The following PPFIBP2 variants were observed in gnomAD, a reference collection of about 807,000 sequenced individuals.
PPFIBP2 encodes PPFIB scaffold protein 2, also known as liprin-beta-2.
A neutral mutation model predicts 118.3 loss-of-function variants in PPFIBP2; 118 were observed. The ratio of observed to expected loss-of-function variants is 1.00; its 90% CI spans 0.86 to 1.16. The LOEUF (loss-of-function observed/expected upper bound fraction) is 1.16. Among genes scored for constraint, PPFIBP2 ranks in the 50% most tolerant of loss-of-function variants. The pLI, the probability that PPFIBP2 is intolerant of heterozygous loss-of-function variation, is 0.00. For synonymous variants in PPFIBP2, 414 were observed against 397.4 expected (o/e 1.04, Z -0.50); for missense variants, 1,195 against 1,073.1 (o/e 1.11, Z -1.59).
chr11:7,594,398 T>C (rs890804670), intron 4 of PPFIBP2, among the ~76,000 whole-genome samples: 5 of 152,362 alleles, frequency 3.3e-5, no homozygotes, highest in South Asian at 4.1e-4. Flanking sequence ...ATTGGGTATC[T>C]ACAACTTGTG....
rs1436023616 is a variant in PPFIBP2 at position 7,653,440 on chromosome 11, C to G, written c.*222C>G. The G allele has an allele frequency of 6.6e-7, 1 of 1,505,184 alleles. No homozygotes were observed. Among genetic ancestry groups the G allele is most frequent in the Non-Finnish European group, 8.9e-7 (1 of 1,129,596 alleles). 93.2% of individuals were successfully genotyped at this position (1,505,184 alleles called of 1,614,324 possible). A position where few individuals can be genotyped will look rare whatever the true frequency, so the allele number is the denominator to read the frequency against. ...TGGGGACCATTGCCAAAGGTGGACT[C>G]AGGAGGAAAGACACTTAAAGACACT... On this transcript the variant is annotated 3_prime_UTR_variant, in exon 24 of 24. Transcript: ENST00000299492.
At position 7,653,180 on chromosome 11, in the gene PPFIBP2, G is replaced by C. The variant is rs773562791; in HGVS notation, c.2593G>C (p.Glu865Gln). The C allele has an allele frequency of 6.2e-7, 1 of 1,614,208 alleles. No homozygotes were observed. ...GGGCCTCAGCCCCCTTGATGCCCCT[G>C]AACTGGATGGGCTGGACCAGGTGGG... ...YRGLSPLDAPELDGLDQVGQI... is the reference protein window; with the variant it reads ...YRGLSPLDAPQLDGLDQVGQI... The change falls in exon 24 of 24, where the codon GAA (glutamate) becomes CAA (glutamine). Residue 865 changes from glutamate (E) to glutamine (Q), a missense_variant. Transcript: ENST00000299492.
Position 7,639,799 on chromosome 11 carries a change from A to G in PPFIBP2, c.1304A>G (p.Asn435Ser), listed in dbSNP as rs765161038. The change falls in exon 15 of 24, where the codon AAT becomes AGT. Residue 435 changes from asparagine to serine, a missense_variant. Coordinates refer to ENST00000299492, the MANE Select transcript of PPFIBP2 (RefSeq NM_003621.5). Reference protein sequence around the residue: ...LPGKLSGATPNGEAAKSPPTI... With the variant: ...LPGKLSGATPSGEAAKSPPTI... Reference sequence around the variant, plus strand: ...GGGAAGCTTTCAGGAGCCACGCCCAATGGAGAGGCTGCCAAATCTCCTCCC... The same window carrying G: ...GGGAAGCTTTCAGGAGCCACGCCCAGTGGAGAGGCTGCCAAATCTCCTCCC... The G allele has an allele frequency of 4.3e-6, 7 of 1,613,942 alleles. No individual in the cohort carries two copies. Among genetic ancestry groups the G allele is most frequent in the South Asian group, 2.2e-5 (2 of 91,080 alleles).
chr11:7,543,538 T>C (rs1480896693), intron 1 of PPFIBP2, among the ~76,000 whole-genome samples: 1 of 152,242 alleles, frequency 6.6e-6, no homozygotes, highest in Non-Finnish European at 1.5e-5. Context: ...CAGAATATCC[T>C]GGAGGCACAG....
Position 7,651,729 on chromosome 11 carries a change from G to C in PPFIBP2, c.2321G>C (p.Arg774Thr). ...LNIPPQKTLL[R>T]RHLTTKFNAL... ...ATCCCCCCACAAAAGACGCTCCTCA[G>C]GCGCCACCTGACCACCAAGTTCAAT... Residue 774 changes from arginine (R) to threonine (T), a missense_variant, in exon 23 of 24, where the codon AGG becomes ACG. Physicochemically the swap from Arg to Thr is moderately conservative, Grantham distance 71. Transcript: ENST00000299492. 1 of 1,614,098 alleles carries C rather than the reference G, an allele frequency of 6.2e-7. No individual in the cohort carries two copies. Among genetic ancestry groups the C allele is most frequent in the South Asian group, 1.1e-5 (1 of 91,080 alleles).
intron 14 of PPFIBP2, 49 bp downstream of exon 14, chr11:7,635,642 T>C (rs1590728972): frequency 6.5e-7 from 1 of 1,543,808 alleles, no homozygotes; most frequent in Non-Finnish European, 9.0e-7. Context: ...CACTGTTTGC[T>C]AGTATTTTAA....
chr11:7,663,510 G>A, the PPFIBP2 span, among the ~76,000 whole-genome samples: 1 of 152,194 alleles, frequency 6.6e-6, no homozygotes, highest in Non-Finnish European at 1.5e-5. Context: ...CCCGTTCTCA[G>A]ATCTGCAGCT....
chr11:7,617,089 CTTCT>C (rs1473529080), intron 6 of PPFIBP2: 7 of 984,500 alleles, frequency 7.1e-6, no homozygotes, highest in Non-Finnish European at 8.4e-6. Context: ...GTGCTTTTCT[CTTCT>C]TTCTTTTCCT....
At chr11:7,555,339 G>T (rs1430874979) in intron 2 of PPFIBP2, among the ~76,000 whole-genome samples, 1 of 152,166 alleles carries the variant, frequency 6.6e-6, no homozygotes, top group African/African-American at 2.4e-5. Flanking sequence ...GTCAGCTGGG[G>T]CCTTTCTGCC....
At chr11:7,560,210 C>A (rs1389387596) in intron 2 of PPFIBP2, among the ~76,000 whole-genome samples, 1 of 152,158 alleles carries the variant, frequency 6.6e-6, no homozygotes, top group Non-Finnish European at 1.5e-5. Context: ...AATTTCCTGC[C>A]CAAATAAAGG....
Position 7,653,022 on chromosome 11 carries a change from A to G in PPFIBP2, c.2437-2A>G, listed in dbSNP as rs1179724030. 6 of 1,605,214 alleles carry G rather than the reference A, an allele frequency of 3.7e-6. No homozygotes were observed. In the East Asian group the frequency reaches 1.1e-4, roughly 30 times the overall value. Reference sequence around the variant, plus strand: ...CATAATCTTGCATTTTCTGTGTTTTAGCCAAGGAAACTAGGATTTTCACAC... The same window carrying G: ...CATAATCTTGCATTTTCTGTGTTTTGGCCAAGGAAACTAGGATTTTCACAC... On this transcript the variant is annotated splice_acceptor_variant, in intron 23 of 23. Transcript: ENST00000299492. LOFTEE classifies it high-confidence loss of function.
Position 7,651,859 on chromosome 11 carries a change from C to T in PPFIBP2, c.2436+15C>T. 6.2e-7 allele frequency: 1 copy of T among 1,601,124 alleles called. No individual in the cohort carries two copies. The highest frequency in any genetic ancestry group is 8.5e-7 in the Non-Finnish European group (1 of 1,170,290). On this transcript the variant is annotated intron_variant, in intron 23 of 23. Transcript: ENST00000299492. ...CCAAAGTCCGGGTGAGTTGCAGAGC[C>T]TTTCTGGGTGGGCCCTGGGCTGCCT...
chr11:7,594,930 A>AG (rs1860011687), intron 4 of PPFIBP2, among the ~76,000 whole-genome samples: 1 of 151,700 alleles, frequency 6.6e-6, no homozygotes, highest in Admixed American at 6.6e-5. Context: ...AAAAAAAAAA[A>AG]AAAAAAAGAA....
At position 7,653,321 on chromosome 11, in the gene PPFIBP2, G is replaced by C; in HGVS notation, c.*103G>C. On this transcript the variant is annotated 3_prime_UTR_variant, in exon 24 of 24. Coordinates refer to ENST00000299492, the MANE Select transcript of PPFIBP2 (RefSeq NM_003621.5). ...CCCCCGCACGTGTGCATGACTCGCA[G>C]AGAATATTCCAGCAATTGTGTACCC... is the stretch of plus-strand genomic sequence containing the variant. 1 of 1,537,706 alleles carries C rather than the reference G, an allele frequency of 6.5e-7. No individual in the cohort carries two copies. Among genetic ancestry groups the C allele is most frequent in the Non-Finnish European group, 8.7e-7 (1 of 1,146,254 alleles).
In PPFIBP2 at chr11:7,640,500, G is replaced by A. The variant is rs561587583; in HGVS notation, c.1375+630G>A. On this transcript the variant is annotated intron_variant, in intron 15 of 23. Transcript: ENST00000299492. ...CAGCAGCAAAAGATTCAATGGCCCC[G>A]GAAGGGAACATTCTGGTCCTGGCAG... 3.9e-5 allele frequency among the ~76,000 whole-genome samples: 6 copies of A among 152,308 alleles called. No individual in the cohort carries two copies. The South Asian group carries it at 8.3e-4, about 21-fold the overall frequency.
chr11:7,563,980 A>G (rs1854641515), intron 2 of PPFIBP2, among the ~76,000 whole-genome samples: 2 of 152,264 alleles, frequency 1.3e-5, no homozygotes, highest in South Asian at 4.1e-4. Context: ...CCTGGCTAAC[A>G]CAGTGAAACC....
intron 3 of PPFIBP2, among the ~76,000 whole-genome samples, chr11:7,591,551 C>G (rs61890238): frequency 6.6e-6 from 1 of 150,620 alleles, no homozygotes; most frequent in Non-Finnish European, 1.5e-5. Context: ...ATGTGAGAAC[C>G]GGAATATTAA....
At chr11:7,660,139 T>C (rs1854859179), downstream of PPFIBP2, among the ~76,000 whole-genome samples, 1 of 127,276 alleles carries the variant, frequency 7.9e-6, no homozygotes. Flanking sequence ...ATACCTTTTA[T>C]TTCCTTCTCC....
chr11:7,608,458 T>C (rs1590560231), intron 5 of PPFIBP2, among the ~76,000 whole-genome samples: 1 of 151,582 alleles, frequency 6.6e-6, no homozygotes, highest in Non-Finnish European at 1.5e-5. Flanking sequence ...CTGGCCAACA[T>C]GGTGAAACCC....
Sources: allele counts gnomAD v4.1 joint callset (sites outside exome capture counted in the v4.1 genomes callset), GRCh38; gene constraint gnomAD v4.1.1; transcripts MANE v1.5; gene names NCBI Gene and HGNC (gene_info 2026-07-23, HGNC 2026-07-21).